Variants in GRK7 observed in about 807,000 individuals in gnomAD.
GRK7 encodes G protein-coupled receptor kinase 7.
A neutral mutation model predicts 34.1 loss-of-function variants in GRK7; 24 were observed. The observed-to-expected ratio is 0.70, with a 90% CI of 0.51 to 0.99. GRK7 has a LOEUF of 0.99. GRK7 is among the 50% of genes least tolerant of loss of function. The pLI is 0.00. For synonymous variants in GRK7, 256 were observed against 279.4 expected (o/e 0.92, Z 0.84); for missense variants, 644 against 707.3 (o/e 0.91, Z 1.02).
intron 5 of GRK7, among the ~76,000 whole-genome samples, chr3:141,810,305 TCCC>T (rs1189275043): frequency 4.8e-4 from 68 of 140,968 alleles, no homozygotes; most frequent in South Asian, 9.6e-4. Flanking sequence ...TCTCTCCCCA[TCCC>T]TCCTTCCCTT....
chr3:141,755,784 A>G, the GRK7 span, among the ~76,000 whole-genome samples: 1 of 152,200 alleles, frequency 6.6e-6, no homozygotes, highest in Admixed American at 6.5e-5. Context: ...GTTATTTTTA[A>G]AAGTTAAATA....
the GRK7 span, among the ~76,000 whole-genome samples, chr3:141,750,404 A>G: frequency 9.1e-3 from 1,380 of 152,364 alleles, 13 homozygotes; most frequent in South Asian, 0.024. Context: ...GCAGCTTGAA[A>G]TGTTGGCTCT....
intron 5 of GRK7, among the ~76,000 whole-genome samples, chr3:141,809,672 T>C (rs1378926421): frequency 6.6e-6 from 1 of 152,070 alleles, no homozygotes; most frequent in Non-Finnish European, 1.5e-5. Context: ...TACTCCAGCA[T>C]GGGTGGCAGA....
chr3:141,806,248 C>G (rs1036518479), intron 4 of GRK7, among the ~76,000 whole-genome samples: 3 of 152,208 alleles, frequency 2.0e-5, no homozygotes, highest in Middle Eastern at 3.4e-3. Context: ...TCCCATTGCT[C>G]TCTGTCATAT....
intron 1 of GRK7, among the ~76,000 whole-genome samples, chr3:141,766,577 A>G (rs574370994): frequency 6.6e-6 from 1 of 152,330 alleles, no homozygotes; most frequent in African/African-American, 2.4e-5. Flanking sequence ...ATAAATACTT[A>G]CTACTTCTTC....
Position 141,807,755 on chromosome 3 carries a change from A to G in GRK7, c.1161A>G (p.Gly387=), listed in dbSNP as rs1711050666. The G allele has an allele frequency of 6.2e-7, 1 of 1,614,094 alleles. No individual in the cohort carries two copies. The highest frequency in any genetic ancestry group is 8.5e-7 in the Non-Finnish European group (1 of 1,180,022). Residue 387 remains glycine, a synonymous_variant, in exon 5 of 6, where the codon GGA becomes GGG. Transcript: ENST00000682958. ...GCAGCATTTATGAAATGGTTGCTGG[A>G]CGAACACCATTCAAAGATTACAAGG... The part of the protein sequence containing the change: ...MGCSIYEMVA[G]RTPFKDYKEK...
At chr3:141,799,448 A>G (rs1195811126) in intron 4 of GRK7, among the ~76,000 whole-genome samples, 1 of 152,100 alleles carries the variant, frequency 6.6e-6, no homozygotes, top group African/African-American at 2.4e-5. Context: ...CCCTGTCTCT[A>G]CTAAAAATAC....
chr3:141,780,389 G>T lies in GRK7; in HGVS notation c.628G>T (p.Val210Leu). Residue 210 changes from valine (V) to leucine (L), a missense_variant, in exon 4 of 6, where the codon GTG (valine) becomes TTG (leucine). Coordinates refer to ENST00000682958, the MANE Select transcript of GRK7 (RefSeq NM_139209.3). Reference sequence around the variant, plus strand: ...CTCCTTTAAGGTATGTGCCGTCCAGGTGAAAAACACTGGGAAGATGTATGC... The same window carrying T: ...CTCCTTTAAGGTATGTGCCGTCCAGTTGAAAAACACTGGGAAGATGTATGC... ...GGFGEVCAVQ[V>L]KNTGKMYACK... The T allele has an allele frequency of 6.2e-7, 1 of 1,614,014 alleles. No individual in the cohort carries two copies. Among genetic ancestry groups the T allele is most frequent in the Non-Finnish European group, 8.5e-7 (1 of 1,179,972 alleles).
chr3:141,773,478 T>C (rs984840121), intron 1 of GRK7, among the ~76,000 whole-genome samples: 10 of 152,132 alleles, frequency 6.6e-5, no homozygotes, highest in South Asian at 6.2e-4. Context: ...ATTTTGATGA[T>C]TGATGGTCAT....
intron 1 of GRK7, among the ~76,000 whole-genome samples, chr3:141,773,315 TG>T (rs2084625073): frequency 6.6e-6 from 1 of 152,016 alleles, no homozygotes; most frequent in Non-Finnish European, 1.5e-5. Context: ...TCTAGCTGCA[TG>T]GGGCATCACA....
chr3:141,802,669 A>G (rs952156884), intron 4 of GRK7, among the ~76,000 whole-genome samples: 1 of 152,192 alleles, frequency 6.6e-6, no homozygotes, highest in African/African-American at 2.4e-5. Context: ...TCAGAGCTGG[A>G]TAAAACATCA....
chr3:141,774,974 G>T (rs985173694), intron 2 of GRK7, among the ~76,000 whole-genome samples: 1 of 151,946 alleles, frequency 6.6e-6, no homozygotes, highest in Non-Finnish European at 1.5e-5. Flanking sequence ...TGTGTTTTTA[G>T]CAGAGACGGG....
At chr3:141,762,695 C>A (rs368996959), upstream of GRK7, among the ~76,000 whole-genome samples, 7 of 151,808 alleles carry the variant, frequency 4.6e-5, no homozygotes, top group Non-Finnish European at 1.0e-4. Context: ...TGGGCAATGG[C>A]GGGCGCCCCT....
Position 141,778,580 on chromosome 3 carries a change from G to A in GRK7, c.296G>A (p.Gly99Glu). ...DVQNWELAEE[G>E]PTKDSALQGL... is the part of the protein sequence containing the mutation. The stretch of plus-strand genomic sequence containing the variant: ...CAGAACTGGGAGCTGGCCGAGGAGG[G>A]ACCCACCAAAGACAGCGCGCTGCAG... The change falls in exon 3 of 6, where the codon GGA becomes GAA. Residue 99 changes from glycine (G) to glutamate (E), a missense_variant. Transcript: ENST00000682958. This position sits in a 1 kb window ranked among gnomAD's most constrained non-coding sequence, Gnocchi z 4.1. 1 of 1,613,226 alleles carries A rather than the reference G, an allele frequency of 6.2e-7. No individual in the cohort carries two copies. Among genetic ancestry groups the A allele is most frequent in the Non-Finnish European group, 8.5e-7 (1 of 1,179,846 alleles).
At chr3:141,762,583 GC>G (rs2084560365), upstream of GRK7, among the ~76,000 whole-genome samples, 1 of 151,408 alleles carries the variant, frequency 6.6e-6, no homozygotes, top group South Asian at 2.1e-4. Flanking sequence ...TCTGTGCCCT[GC>G]CCCCAGAGCT....
chr3:141,804,846 T>C (rs1281911481), intron 4 of GRK7, among the ~76,000 whole-genome samples: 1 of 145,596 alleles, frequency 6.9e-6, no homozygotes, highest in Non-Finnish European at 1.5e-5. Flanking sequence ...CATGCACACA[T>C]ACACATACAC....
intron 4 of GRK7, among the ~76,000 whole-genome samples, chr3:141,800,380 T>TAAAAAA (rs5853047): frequency 1.3e-5 from 1 of 79,556 alleles, no homozygotes; most frequent in Admixed American, 1.4e-4. Flanking sequence ...TTGTCATTTG[T>TAAAAAA]AAAAAAAAAA....
intron 5 of GRK7, among the ~76,000 whole-genome samples, chr3:141,814,225 TA>T (rs11448308): frequency 2.6e-5 from 4 of 151,738 alleles, no homozygotes; most frequent in East Asian, 1.9e-4. Flanking sequence ...GACATTTCTT[TA>T]AAAAAAAATC....
chr3:141,768,529 C>G (rs748016684), intron 1 of GRK7, among the ~76,000 whole-genome samples: 6 of 152,178 alleles, frequency 3.9e-5, no homozygotes, highest in Non-Finnish European at 8.8e-5. Context: ...ATCCACCCGC[C>G]TTGGCCTCCC....
Sources: gnomAD v4.1 joint callset for allele counts (sites outside exome capture counted in the v4.1 genomes callset) on GRCh38, gnomAD v4.1.1 for gene constraint, Gnocchi (gnomAD v3.1) non-coding constraint, MANE v1.5 for transcripts, NCBI Gene and HGNC (gene_info 2026-07-23, HGNC 2026-07-21) for gene names.